PCDHA7: variants seen among roughly 807,000 people sequenced by gnomAD.
PCDHA7 encodes protocadherin alpha-7.
A neutral mutation model predicts 57.2 loss-of-function variants in PCDHA7; 37 were observed. That is an observed-to-expected ratio of 0.65 (90% CI 0.50 to 0.85). The LOEUF is 0.85. Ranked by LOEUF, PCDHA7 falls within the 40% of genes least tolerant of loss-of-function variation. The pLI is 0.00. For synonymous variants in PCDHA7, 553 were observed against 558.8 expected, an observed-to-expected ratio of 0.99 and a Z score of 0.15; for missense variants, 1,188 against 1,241.8, an observed-to-expected ratio of 0.96 and a Z score of 0.65.
chr5:140,861,090 T>C (rs1449145259), intron 1 of PCDHA7: 1 of 152,308 alleles, frequency 6.6e-6, no homozygotes, highest in African/African-American at 2.4e-5. Flanking sequence ...GAAGCTCCAT[T>C]GTTCCTGTAC....
At chr5:140,902,558 T>G (rs2069554536) in intron 1 of PCDHA7, among the ~76,000 whole-genome samples, 2 of 152,242 alleles carry the variant, frequency 1.3e-5, no homozygotes, top group South Asian at 4.1e-4. Context: ...ACCCAGATTT[T>G]TGAGGGTTTT....
intron 1 of PCDHA7, chr5:140,863,573 C>T (rs2048075555): frequency 5.4e-6 from 2 of 367,848 alleles, no homozygotes; most frequent in South Asian, 4.3e-5. Flanking sequence ...AATATAAGTA[C>T]TGTAATCCTG....
At chr5:140,878,693 C>A (rs932928385) in intron 1 of PCDHA7, among the ~76,000 whole-genome samples, 6 of 152,254 alleles carry the variant, frequency 3.9e-5, no homozygotes, top group South Asian at 2.1e-4. Flanking sequence ...TCTTACATAC[C>A]CCAGCCTGGT....
chr5:140,928,790 G>GGGT, intron 1 of PCDHA7: 2 of 1,614,176 alleles, frequency 1.2e-6, no homozygotes, highest in Non-Finnish European at 1.7e-6. Context: ...GTTAAGCAGA[G>GGGT]GGTGGTGGTA....
At chr5:140,841,254 A>G in intron 1 of PCDHA7, 9 of 1,510,716 alleles carry the variant, frequency 6.0e-6, no homozygotes, top group Non-Finnish European at 7.1e-6. Context: ...GGATTAAAAG[A>G]CTCTGAAAGT....
At chr5:140,877,943 T>C in intron 1 of PCDHA7, 1 of 1,363,226 alleles carries the variant, frequency 7.3e-7, no homozygotes, top group Non-Finnish European at 9.6e-7. Context: ...TCCTTTAAAC[T>C]ATCGAATGTC....
At chr5:140,932,145 C>G (rs1231469475) in intron 1 of PCDHA7, among the ~76,000 whole-genome samples, 2 of 151,710 alleles carry the variant, frequency 1.3e-5, no homozygotes, top group African/African-American at 4.8e-5. Context: ...AAAATTGATT[C>G]ACTGATTGTA....
rs1489456152 is a variant in PCDHA7 at position 140,857,912 on chromosome 5, C to T, written c.2355+21174C>T. On this transcript the variant is annotated intron_variant, in intron 1 of 3. Transcript: ENST00000525929. ...GGCGGTTGGTGCACGCATCCCGTTT[C>T]GCGTGGGGCTGTACACGGGCGAGAT... is the stretch of plus-strand genomic sequence containing the variant. 3.1e-6 allele frequency: 5 copies of T among 1,597,650 alleles called. 1 individual carries two copies. In the Admixed American group the frequency reaches 6.7e-5, roughly 22 times the overall value.
intron 1 of PCDHA7, chr5:140,883,965 T>C: frequency 6.2e-7 from 1 of 1,613,128 alleles, no homozygotes; most frequent in Non-Finnish European, 8.5e-7. Flanking sequence ...CCGGCGCTGC[T>C]GACGCCCGGG....
At chr5:140,925,434 G>C (rs1165185781) in intron 1 of PCDHA7, among the ~76,000 whole-genome samples, 1 of 152,088 alleles carries the variant, frequency 6.6e-6, no homozygotes, top group African/African-American at 2.4e-5. Flanking sequence ...TAGGGTGTTA[G>C]GCAGAATTTG....
chr5:140,842,884 G>T, intron 1 of PCDHA7: 1 of 1,594,190 alleles, frequency 6.3e-7, no homozygotes, highest in South Asian at 1.1e-5. Context: ...ACGCGCTGCA[G>T]CCGCTGGACC....
intron 1 of PCDHA7, among the ~76,000 whole-genome samples, chr5:140,920,592 T>C (rs1226483981): frequency 6.6e-6 from 1 of 152,158 alleles, no homozygotes; most frequent in Non-Finnish European, 1.5e-5. Flanking sequence ...ACGCCTGTAA[T>C]CCCAGCACTT....
At chr5:140,872,114 AG>A (rs1261193633) in intron 1 of PCDHA7, among the ~76,000 whole-genome samples, 1 of 151,936 alleles carries the variant, frequency 6.6e-6, no homozygotes, top group African/African-American at 2.4e-5. Context: ...TCCTAACTTC[AG>A]GCTTGTATCA....
chr5:140,875,306 C>T, intron 1 of PCDHA7: 1 of 1,420,166 alleles, frequency 7.0e-7, no homozygotes, highest in Admixed American at 2.9e-5. Context: ...TTCTCCGCAC[C>T]CACATTCCAA....
At chr5:140,857,110 G>C in intron 1 of PCDHA7, 1 of 1,597,820 alleles carries the variant, frequency 6.3e-7, no homozygotes. Flanking sequence ...TCACTTCTCT[G>C]TCTCTCCCAG....
intron 1 of PCDHA7, chr5:140,877,968 C>A: frequency 7.9e-7 from 1 of 1,272,970 alleles, no homozygotes; most frequent in Non-Finnish European, 1.0e-6. Context: ...CTTTCTTGGT[C>A]ATTCTTACTC....
At chr5:140,943,613 C>G (rs1490811039) in intron 1 of PCDHA7, among the ~76,000 whole-genome samples, 1 of 152,026 alleles carries the variant, frequency 6.6e-6, no homozygotes, top group African/African-American at 2.4e-5. Context: ...GACTTTGATT[C>G]ATCTGCATAA....
In PCDHA7 at chr5:140,836,287, G is replaced by T; in HGVS notation, c.1904G>T (p.Arg635Leu). ...TACACTGGTGAGATCAGCACGACAC[G>T]AGCCCTAGATGAGACGGACGCACCG... ...GLYTGEISTT[R>L]ALDETDAPRH... is the part of the protein sequence containing the mutation. The change falls in exon 1 of 4, where the codon CGA becomes CTA. Residue 635 changes from arginine to leucine, a missense_variant. Coordinates refer to ENST00000525929, the MANE Select transcript of PCDHA7 (RefSeq NM_018910.3). 2 of 1,613,786 alleles carry T rather than the reference G, an allele frequency of 1.2e-6. No individual in the cohort carries two copies. Among genetic ancestry groups the T allele is most frequent in the Non-Finnish European group, 8.5e-7 (1 of 1,179,822 alleles).
chr5:141,011,237 A>G lies in PCDHA7; in HGVS notation c.*1300A>G, dbSNP rs562746586. Reference sequence around the variant, plus strand: ...GATTTTTCAATCTACTAATTCTGTGACTTGTCTTGGTGTGCTAGCCTACAC... The same window carrying G: ...GATTTTTCAATCTACTAATTCTGTGGCTTGTCTTGGTGTGCTAGCCTACAC... On this transcript the variant is annotated 3_prime_UTR_variant, in exon 4 of 4. Transcript: ENST00000525929. The G allele has an allele frequency of 6.5e-6, 1 of 153,754 alleles. No homozygotes were observed. Among genetic ancestry groups the G allele is most frequent in the South Asian group, 2.1e-4 (1 of 4,812 alleles). The allele number at this position is 153,754 out of a possible 1,614,324, so 9.5% of individuals were successfully genotyped here.
Sources: gnomAD v4.1 joint callset for allele counts (sites outside exome capture counted in the v4.1 genomes callset) on GRCh38, gnomAD v4.1.1 for gene constraint, MANE v1.5 for transcripts, NCBI Gene and HGNC (gene_info 2026-07-23, HGNC 2026-07-21) for gene names.